MXRA5: variants seen among roughly 807,000 people sequenced by gnomAD.
The protein encoded by MXRA5 is matrix remodeling associated 5.
In MXRA5, 41 loss-of-function variants were observed where a neutral mutation model predicts 112.5. That is an observed-to-expected ratio of 0.36 (90% CI 0.28 to 0.47). The LOEUF (loss-of-function observed/expected upper bound fraction) is 0.47. Among genes scored for constraint, MXRA5 ranks in the 20% least tolerant of loss-of-function variants. The probability of loss-of-function intolerance (pLI) is 0.99; values close to 1 mark genes in which losing one functional copy is unlikely to be tolerated. For missense variants in MXRA5, 2,150 were observed against 2,251.0 expected (o/e 0.96, Z 0.91); for synonymous variants, 862 against 900.8 (o/e 0.96, Z 0.77).
At chrX:3,330,446 T>A in intron 3 of MXRA5, 38 bp from the exon 4 acceptor site, 2 of 1,155,523 alleles carry the variant, frequency 1.7e-6, no homozygotes, top group Non-Finnish European at 2.3e-6. Flanking sequence ...AACAAAAGGA[T>A]CCTGTTTATA....
At chrX:3,342,813 T>A (rs1210919976) in intron 2 of MXRA5, among the ~76,000 whole-genome samples, 1 of 111,344 alleles carries the variant, frequency 9.0e-6, no homozygotes, top group East Asian at 2.8e-4. Flanking sequence ...TGGAGGAGAG[T>A]TTTTTCTTTT....
At chrX:3,339,663 A>G (rs1921869945) in intron 2 of MXRA5, among the ~76,000 whole-genome samples, 1 of 111,546 alleles carries the variant, frequency 9.0e-6, no homozygotes, top group Non-Finnish European at 1.9e-5. Context: ...AACATACAGA[A>G]GCCCAGGGAA....
At chrX:3,332,621 T>A (rs1921694232) in intron 2 of MXRA5, among the ~76,000 whole-genome samples, 1 of 112,488 alleles carries the variant, frequency 8.9e-6, no homozygotes, top group African/African-American at 3.2e-5. Context: ...ATTGAAATAA[T>A]GTTGTATAGA....
chrX:3,329,110 G>A, intron 4 of MXRA5, among the ~76,000 whole-genome samples: 1 of 98,170 alleles, frequency 1.0e-5, no homozygotes, highest in African/African-American at 3.8e-5. Flanking sequence ...AGGAGACAAG[G>A]AAGGAGTAAA....
intron 4 of MXRA5, among the ~76,000 whole-genome samples, chrX:3,329,026 G>C: frequency 9.9e-6 from 1 of 101,282 alleles, no homozygotes; most frequent in South Asian, 5.1e-4. Context: ...AGGAGGGAAT[G>C]AAGGAAGGAA....
intron 2 of MXRA5, among the ~76,000 whole-genome samples, chrX:3,333,397 C>T (rs1241352459): frequency 2.0e-5 from 2 of 101,292 alleles, no homozygotes; most frequent in Non-Finnish European, 4.0e-5. Context: ...AGAGGATAAA[C>T]CATGCAATGT....
In MXRA5 at chrX:3,317,394, T is replaced by G; in HGVS notation, c.6287A>C (p.His2096Pro). 1 of 1,207,533 alleles carries G rather than the reference T, an allele frequency of 8.3e-7. No individual in the cohort carries two copies. Among genetic ancestry groups the G allele is most frequent in the Middle Eastern group, 2.8e-4 (1 of 3,555 alleles). ...GTQIRPSQFLHGNLFVFPNGT... is the reference protein window; with the variant it reads ...GTQIRPSQFLPGNLFVFPNGT... The stretch of plus-strand genomic sequence containing the variant: ...GTTGGGGAAAACAAACAAGTTCCCG[T>G]GGAGGAACTGCGAGGGGCGGATCTG... The change falls in exon 6 of 7, where the codon CAC (histidine) becomes CCC (proline). Residue 2096 changes from histidine to proline, a missense_variant. Physicochemically the swap from His to Pro is moderately conservative, Grantham distance 77 (BLOSUM62 -2). Coordinates refer to ENST00000217939, the MANE Select transcript of MXRA5 (RefSeq NM_015419.4).
rs748706178 is a variant in MXRA5, at chrX:3,320,933, C to G, written c.4752G>C (p.Arg1584Ser). 1.6e-5 allele frequency: 19 copies of G among 1,209,801 alleles called. No homozygotes were observed. The highest frequency in any genetic ancestry group is 1.9e-5 in the Non-Finnish European group (17 of 895,118). Residue 1584 changes from arginine (R) to serine (S), a missense_variant, in exon 5 of 7, where the codon AGG (arginine) becomes AGC (serine). Physicochemically the swap from Arg to Ser is moderately radical, Grantham distance 110. Transcript: ENST00000217939. ...GGCTATCTGGGCCACGTGGTAGACT[C>G]CTACTACCAAATACTTGCTTTTCCA... The part of the protein sequence containing the change: ...LELEKQVFGS[R>S]SLPRGPDSQR...
chrX:3,330,433 C>G (rs751360973), intron 3 of MXRA5, 25 bp from the exon 4 acceptor site: 3 of 1,165,661 alleles, frequency 2.6e-6, no homozygotes, highest in Non-Finnish European at 3.4e-6. Context: ...GAAAACAAAA[C>G]AAAACAAAAG....
intron 6 of MXRA5, among the ~76,000 whole-genome samples, chrX:3,316,308 C>A (rs1249261801): frequency 1.8e-5 from 1 of 55,384 alleles, no homozygotes; most frequent in Non-Finnish European, 3.3e-5. Context: ...AGCGAGATTC[C>A]GTCTCAAAAA....
chrX:3,332,617 A>G (rs186725731), intron 2 of MXRA5, among the ~76,000 whole-genome samples: 9 of 112,654 alleles, frequency 8.0e-5, no homozygotes, highest in Admixed American at 2.8e-4. Flanking sequence ...CCTTATTGAA[A>G]TAATGTTGTA....
At position 3,343,771 on chromosome X, in the gene MXRA5, C is replaced by T; in HGVS notation, c.63G>A (p.Pro21=). The T allele has an allele frequency of 8.3e-7, 1 of 1,211,256 alleles. No homozygotes were observed. The part of the protein sequence containing the change: ...SVVLILLWGH[P]RVALACPHPC... ...GATGCGGGCAGGCCAGCGCCACTCG[C>T]GGATGGCCCCAAAGCAGGATCAGCA... Residue 21 remains proline (P), a synonymous_variant, in exon 2 of 7, where the codon CCG becomes CCA. Transcript: ENST00000217939.
rs758362705 is a variant in MXRA5, at chrX:3,341,071, ATATAT to A, written c.188+2570_188+2574del. Among the ~76,000 whole-genome samples, 48 of 71,200 alleles carry A rather than the reference ATATAT, an allele frequency of 6.7e-4. No individual in the cohort carries two copies. The East Asian group carries it at 7.6e-3, about 11-fold the overall frequency. The allele number at this position is 71,200 out of a possible 115,157, so 61.8% of individuals were successfully genotyped here. A position where few individuals can be genotyped will look rare whatever the true frequency, so the allele number is the denominator to read the frequency against. On this transcript the variant is annotated intron_variant, in intron 2 of 6. Transcript: ENST00000217939. ...TATAATATATATTATATATTATATA[ATATAT>A]TATATTATACATAATATGTTATACA...
At chrX:3,326,357 A>G (rs1312363393) in intron 4 of MXRA5, among the ~76,000 whole-genome samples, 1 of 98,662 alleles carries the variant, frequency 1.0e-5, no homozygotes, top group Non-Finnish European at 2.0e-5. Flanking sequence ...ATATATTTAT[A>G]ACTCTGTATA....
In MXRA5 at chrX:3,317,279, C is replaced by G. The variant is rs1227425779; in HGVS notation, c.6402G>C (p.Thr2134=). 1 of 1,206,559 alleles carries G rather than the reference C, an allele frequency of 8.3e-7. No homozygotes were observed. Among genetic ancestry groups the G allele is most frequent in the East Asian group, 3.0e-5 (1 of 33,659 alleles). The part of the protein sequence containing the change: ...AANLVGSARR[T]VQLNVQRAAA... ...CTGCACGCTGCACGTTCAGCTGCACCGTCCTGCGCGCGGAGCCTACCAGGT... is the reference window on the plus strand; with the variant it reads ...CTGCACGCTGCACGTTCAGCTGCACGGTCCTGCGCGCGGAGCCTACCAGGT... Residue 2134 remains threonine (T), a synonymous_variant, in exon 6 of 7, where the codon ACG becomes ACC. Coordinates refer to ENST00000217939, the MANE Select transcript of MXRA5 (RefSeq NM_015419.4).
chrX:3,315,473 G>A (rs186729227), intron 6 of MXRA5, among the ~76,000 whole-genome samples: 30 of 108,429 alleles, frequency 2.8e-4, no homozygotes, highest in Non-Finnish European at 5.7e-4. Flanking sequence ...GGACATTGAA[G>A]GTAGGATGGA....
At position 3,308,715 on chromosome X, in the gene MXRA5, G is replaced by C. The variant is rs1242415731; in HGVS notation, c.*1001C>G. ...AGAAGCAGCCACCTTAGACCAGATG[G>C]ACAAGCCAGATACTGCAGAGAAGTT... On this transcript the variant is annotated 3_prime_UTR_variant, in exon 7 of 7. Coordinates refer to ENST00000217939, the MANE Select transcript of MXRA5 (RefSeq NM_015419.4). 1.8e-5 allele frequency: 2 copies of C among 111,770 alleles called. No individual in the cohort carries two copies. The highest frequency in any genetic ancestry group is 3.8e-5 in the Non-Finnish European group (2 of 53,194). The allele number at this position is 111,770 out of a possible 1,213,427, so 9.2% of individuals were successfully genotyped here.
intron 4 of MXRA5, among the ~76,000 whole-genome samples, chrX:3,326,022 A>AC (rs1466051446): frequency 2.1e-5 from 1 of 47,075 alleles, no homozygotes; most frequent in Non-Finnish European, 3.8e-5. Flanking sequence ...ATTTATATGT[A>AC]TTTTATATAT....
chrX:3,311,154 T>C lies in MXRA5; in HGVS notation c.7049A>G (p.Asn2350Ser). The C allele has an allele frequency of 8.3e-7, 1 of 1,211,725 alleles. No individual in the cohort carries two copies. The highest frequency in any genetic ancestry group is 1.1e-6 in the Non-Finnish European group (1 of 895,545). The change falls in exon 7 of 7, where the codon AAC (asparagine) becomes AGC (serine). Residue 2350 changes from asparagine (N) to serine (S), a missense_variant. Coordinates refer to ENST00000217939, the MANE Select transcript of MXRA5 (RefSeq NM_015419.4). Reference sequence around the variant, plus strand: ...CACCTGAACCGCCAAGTAAGTCTTGTTCCGGATGGTGGCGGGCGCTGTCAC... The same window carrying C: ...CACCTGAACCGCCAAGTAAGTCTTGCTCCGGATGGTGGCGGGCGCTGTCAC... The part of the protein sequence containing the change: ...KVVTAPATIR[N>S]KTYLAVQVPY...
Sources: allele counts gnomAD v4.1 joint callset (sites outside exome capture counted in the v4.1 genomes callset), GRCh38; gene constraint gnomAD v4.1.1; transcripts MANE v1.5; gene names NCBI Gene and HGNC (gene_info 2026-07-23, HGNC 2026-07-21).